Variants in ERCC4 observed in about 807,000 individuals in gnomAD.
ERCC4 encodes ERCC excision repair 4, endonuclease catalytic subunit, also known as DNA repair endonuclease XPF.
In ERCC4, 65 loss-of-function variants were observed where a neutral mutation model predicts 76.9. The ratio of observed to expected loss-of-function variants is 0.84; its 90% CI spans 0.69 to 1.04. ERCC4 has a LOEUF of 1.04. Ranked by LOEUF, ERCC4 falls within the 50% of genes least tolerant of loss-of-function variation. ERCC4 has a pLI of 0.00. For synonymous variants in ERCC4, 463 were observed against 410.1 expected (o/e 1.13, Z -1.56); for missense variants, 1,214 against 1,128.2 (o/e 1.08, Z -1.09).
At chr16:13,938,817 A>G (rs2032356587) in intron 9 of ERCC4, among the ~76,000 whole-genome samples, 2 of 152,242 alleles carry the variant, frequency 1.3e-5, no homozygotes, top group Admixed American at 1.3e-4. Context: ...GCGGGTTCTC[A>G]GTGTATGTGC....
chr16:13,937,437 GC>G (rs2032322680), intron 8 of ERCC4, among the ~76,000 whole-genome samples: 1 of 152,138 alleles, frequency 6.6e-6, no homozygotes, highest in Non-Finnish European at 1.5e-5. Flanking sequence ...AATTGGAGAA[GC>G]CTCTAAAATT....
intron 2 of ERCC4, among the ~76,000 whole-genome samples, chr16:13,925,157 T>G (rs2032048987): frequency 6.6e-6 from 1 of 152,148 alleles, no homozygotes; most frequent in Non-Finnish European, 1.5e-5. Flanking sequence ...GAAATGAAAA[T>G]CTATAGAAAC....
chr16:13,941,029 A>G (rs531560613), intron 9 of ERCC4, among the ~76,000 whole-genome samples: 89 of 152,338 alleles, frequency 5.8e-4, no homozygotes, highest in Middle Eastern at 3.4e-3. Context: ...TCTAGAAAAG[A>G]GCACTTTTAG....
intron 3 of ERCC4, 180 bp from the exon 4 acceptor site, chr16:13,927,848 G>A (rs1467763964): frequency 5.0e-6 from 3 of 601,518 alleles, no homozygotes; most frequent in Admixed American, 2.6e-5. Flanking sequence ...ATAATACACT[G>A]CTTCTATTCA....
intron 5 of ERCC4, chr16:13,931,288 G>A (rs2032166841): frequency 4.5e-6 from 1 of 221,686 alleles, no homozygotes; most frequent in African/African-American, 2.3e-5. Context: ...AAGAGCAGAA[G>A]AGATTTTAGG....
Position 13,951,352 on chromosome 16 carries a change from C to G in ERCC4, c.*3005C>G, listed in dbSNP as rs115605700. On this transcript the variant is annotated 3_prime_UTR_variant, in exon 11 of 11. Transcript: ENST00000311895. ...TTCTAAAAGCTAGATCAGCATTTTT[C>G]TATTTTACAAGTTTTTTGTATAAAA... 1.9e-4 allele frequency: 38 copies of G among 195,106 alleles called. No homozygotes were observed. Among genetic ancestry groups the G allele is most frequent in the African/African-American group, 7.4e-4 (32 of 43,294 alleles). The allele number at this position is 195,106 out of a possible 1,614,324, so 12.1% of individuals were successfully genotyped here. A position where few individuals can be genotyped will look rare whatever the true frequency, so the allele number is the denominator to read the frequency against.
intron 5 of ERCC4, 98 bp from the exon 6 acceptor site, chr16:13,932,059 A>T: frequency 9.8e-7 from 1 of 1,022,266 alleles, no homozygotes; most frequent in Non-Finnish European, 1.5e-6. Context: ...GGAAGACAGG[A>T]TGACAGCCAG....
chr16:13,928,149 T>C lies in ERCC4; in HGVS notation c.706T>C (p.Cys236Arg), dbSNP rs397509403. 1.1e-5 allele frequency: 18 copies of C among 1,613,422 alleles called. No homozygotes were observed. The highest frequency in any genetic ancestry group is 1.4e-5 in the Non-Finnish European group (17 of 1,179,570). The change falls in exon 4 of 11, where the codon TGT (cysteine) becomes CGT (arginine). Residue 236 changes from cysteine (C) to arginine (R), a missense_variant. Coordinates refer to ENST00000311895, the MANE Select transcript of ERCC4 (RefSeq NM_005236.3). ...QTAILDILNA[C>R]LKELKCHNPS... ...TGCTATACTGGACATTTTAAATGCA[T>C]GTCTAAAGGAACTAAAATGCCATAA...
intron 9 of ERCC4, among the ~76,000 whole-genome samples, chr16:13,943,637 T>G (rs1342250805): frequency 6.6e-6 from 1 of 152,198 alleles, no homozygotes; most frequent in African/African-American, 2.4e-5. Flanking sequence ...AAATCTTGGT[T>G]GTTTTAACCC....
chr16:13,946,055 G>C (rs1481124567), intron 10 of ERCC4, among the ~76,000 whole-genome samples: 2 of 152,084 alleles, frequency 1.3e-5, no homozygotes, highest in Non-Finnish European at 2.9e-5. Context: ...CCCTTTCCTG[G>C]CCTTTTCCAG....
intron 10 of ERCC4, 46 bp downstream of exon 10, chr16:13,944,881 G>A (rs201464961): frequency 4.9e-6 from 6 of 1,224,950 alleles, no homozygotes; most frequent in South Asian, 3.6e-5. Context: ...TGCAAAGGGG[G>A]CTGTGAAGTT....
rs898656985 is a variant in ERCC4, at chr16:13,950,306, T to C, written c.*1959T>C. 1 of 189,488 alleles carries C rather than the reference T, an allele frequency of 5.3e-6. No homozygotes were observed. The highest frequency in any genetic ancestry group is 6.2e-5 in the Admixed American group (1 of 16,230). The allele number at this position is 189,488 out of a possible 1,614,324, so 11.7% of individuals were successfully genotyped here. ...TCGTTTCTGAACTGAACCTCTCACA[T>C]TGGCATCTTGATTTATTGGTACTTA... On this transcript the variant is annotated 3_prime_UTR_variant, in exon 11 of 11. Coordinates refer to ENST00000311895, the MANE Select transcript of ERCC4 (RefSeq NM_005236.3).
At position 13,951,167 on chromosome 16, in the gene ERCC4, T is replaced by C. The variant is rs1274105212; in HGVS notation, c.*2820T>C. ...TTTACTTAGATTTTTATAAAAATTTTTTTTACAATCTAATAATCTTTGGTA... is the reference window on the plus strand; with the variant it reads ...TTTACTTAGATTTTTATAAAAATTTCTTTTACAATCTAATAATCTTTGGTA... On this transcript the variant is annotated 3_prime_UTR_variant, in exon 11 of 11. Transcript: ENST00000311895. The C allele has an allele frequency of 5.4e-6, 1 of 184,512 alleles. No individual in the cohort carries two copies. Among genetic ancestry groups the C allele is most frequent in the Non-Finnish European group, 1.1e-5 (1 of 86,964 alleles). 11.4% of individuals were successfully genotyped at this position (184,512 alleles called of 1,614,324 possible).
chr16:13,945,852 GA>G (rs1183917768), intron 10 of ERCC4, among the ~76,000 whole-genome samples: 1 of 152,192 alleles, frequency 6.6e-6, no homozygotes, highest in Non-Finnish European at 1.5e-5. Flanking sequence ...TCTTTCCTTA[GA>G]GATCAGTTCT....
intron 6 of ERCC4, chr16:13,932,935 A>T (rs1209084212): frequency 4.2e-6 from 1 of 239,926 alleles, no homozygotes; most frequent in African/African-American, 2.4e-5. Flanking sequence ...AATCCCAGCT[A>T]CTCAGGAGGC....
At chr16:13,925,519 T>A (rs2032055869) in intron 2 of ERCC4, among the ~76,000 whole-genome samples, 1 of 151,946 alleles carries the variant, frequency 6.6e-6, no homozygotes, top group Non-Finnish European at 1.5e-5. Context: ...TGAGCTAGAG[T>A]AAATTTAGCT....
rs1333121902 is a variant in ERCC4 at position 13,934,312 on chromosome 16, A to C, written c.1213+10A>C. The C allele has an allele frequency of 6.4e-7, 1 of 1,560,690 alleles. No homozygotes were observed. Among genetic ancestry groups the C allele is most frequent in the Non-Finnish European group, 8.8e-7 (1 of 1,131,634 alleles). Reference sequence around the variant, plus strand: ...GCTCTTGGTGGTCCAGGTAGGAAAAAAGGAGATGAAAACATTTGCTTCCAA... The same window carrying C: ...GCTCTTGGTGGTCCAGGTAGGAAAACAGGAGATGAAAACATTTGCTTCCAA... On this transcript the variant is annotated intron_variant, in intron 7 of 10. Transcript: ENST00000311895.
At chr16:13,937,988 C>T (rs774849679) in intron 9 of ERCC4, 130 bp downstream of exon 9, 13 of 699,428 alleles carry the variant, frequency 1.9e-5, no homozygotes, top group African/African-American at 5.3e-5. Flanking sequence ...TGAGATAAAC[C>T]TGTGGTCTGA....
At chr16:13,924,098 G>A (rs949817320) in intron 2 of ERCC4, among the ~76,000 whole-genome samples, 1 of 152,158 alleles carries the variant, frequency 6.6e-6, no homozygotes, top group African/African-American at 2.4e-5. Context: ...GAATGTAAAT[G>A]AATGCCAAAA....
Sources: allele counts gnomAD v4.1 joint callset (sites outside exome capture counted in the v4.1 genomes callset), GRCh38; gene constraint gnomAD v4.1.1; transcripts MANE v1.5; gene names NCBI Gene and HGNC (gene_info 2026-07-23, HGNC 2026-07-21).